Variants in AREL1 observed in about 807,000 individuals in gnomAD.
AREL1 encodes apoptosis-resistant E3 ubiquitin protein ligase 1.
In AREL1, 62 loss-of-function variants were observed where a neutral mutation model predicts 99.0. That is an observed-to-expected ratio of 0.63 (90% confidence interval 0.51 to 0.77). The LOEUF is 0.77. Ranked by LOEUF, AREL1 falls within the 30% of genes least tolerant of loss-of-function variation. AREL1 has a pLI of 0.00. For missense variants in AREL1, 879 were observed against 1,027.6 expected, an observed-to-expected ratio of 0.86 and a Z score of 1.98; for synonymous variants, 380 against 376.5, an observed-to-expected ratio of 1.01 and a Z score of -0.11.
rs1052694136 is a variant in AREL1 at position 74,692,120 on chromosome 14, C to T, written c.-125G>A. The T allele has an allele frequency of 1.6e-5, 7 of 442,218 alleles. No individual in the cohort carries two copies. Among genetic ancestry groups the T allele is most frequent in the Non-Finnish European group, 2.7e-5 (6 of 223,674 alleles). The allele number at this position is 442,218 out of a possible 1,614,324, so 27.4% of individuals were successfully genotyped here. A position where few individuals can be genotyped will look rare whatever the true frequency, so the allele number is the denominator to read the frequency against. On this transcript the variant is annotated 5_prime_UTR_variant, in exon 2 of 20. The change creates a new upstream start codon in the 5' untranslated region. Coordinates refer to ENST00000356357, the MANE Select transcript of AREL1 (RefSeq NM_001039479.2). ...AGCAGGTAACTTTTGGCCCCTTTCA[C>T]CTTGTCTTCCAACTTCCACATGAAA...
At chr14:74,693,147 G>GA (rs1864710743) in intron 1 of AREL1, among the ~76,000 whole-genome samples, 1 of 152,022 alleles carries the variant, frequency 6.6e-6, no homozygotes, top group African/African-American at 2.4e-5. Flanking sequence ...ACCAGGTTAC[G>GA]GACAGCCTTA....
intron 1 of AREL1, among the ~76,000 whole-genome samples, chr14:74,693,690 G>C (rs1165167294): frequency 6.6e-6 from 1 of 152,178 alleles, no homozygotes; most frequent in Non-Finnish European, 1.5e-5. Context: ...GAGTAATAGA[G>C]CTGAGTCAAA....
chr14:74,683,617 T>C (rs2089683881), intron 4 of AREL1, 84 bp from the exon 5 acceptor site: 1 of 1,277,930 alleles, frequency 7.8e-7, no homozygotes, highest in Non-Finnish European at 1.1e-6. Flanking sequence ...AGAGAGGAAG[T>C]AGCTGGCAGA....
chr14:74,708,408 T>G (rs1230379806), intron 1 of AREL1, among the ~76,000 whole-genome samples: 1 of 152,166 alleles, frequency 6.6e-6, no homozygotes, highest in African/African-American at 2.4e-5. Context: ...CCACCTGGGA[T>G]TTCTTCTTTA....
At position 74,713,022 on chromosome 14, in the gene AREL1, TCCCACCAACAGAC is replaced by T. The variant is rs1352059052; in HGVS notation, c.-436_-424del. On this transcript the variant is annotated 5_prime_UTR_variant, in exon 1 of 20. Coordinates refer to ENST00000356357, the MANE Select transcript of AREL1 (RefSeq NM_001039479.2). ...TCAGCAGAAGACGGGCTCCCCACTC[TCCCACCAACAGAC>T]CCCAGAGTTGGTCTCCACCCGGCCT... 9.4e-7 allele frequency: 1 copy of T among 1,061,868 alleles called. No individual in the cohort carries two copies. The highest frequency in any genetic ancestry group is 1.6e-5 in the African/African-American group (1 of 64,092). 65.8% of individuals were successfully genotyped at this position (1,061,868 alleles called of 1,614,324 possible).
chr14:74,681,858 T>C (rs928800749), intron 5 of AREL1, among the ~76,000 whole-genome samples: 1 of 151,712 alleles, frequency 6.6e-6, no homozygotes, highest in African/African-American at 2.4e-5. Flanking sequence ...CTTGTGATGA[T>C]GGAAATGTTC....
At chr14:74,712,666 G>A (rs2090335009) in intron 1 of AREL1, among the ~76,000 whole-genome samples, 1 of 151,900 alleles carries the variant, frequency 6.6e-6, no homozygotes, top group African/African-American at 2.4e-5. Context: ...TCACCGAGAG[G>A]AGTACACGGT....
chr14:74,697,740 G>A (rs944590999), intron 1 of AREL1, among the ~76,000 whole-genome samples: 5 of 152,150 alleles, frequency 3.3e-5, no homozygotes. Context: ...GCCTCCAAAT[G>A]ACTGCAGCCT....
intron 1 of AREL1, among the ~76,000 whole-genome samples, chr14:74,704,015 C>T (rs1326561744): frequency 2.0e-5 from 3 of 152,094 alleles, no homozygotes; most frequent in Non-Finnish European, 4.4e-5. Context: ...TTAATGTTAC[C>T]CATTCTAATA....
In AREL1 at chr14:74,663,653, T is replaced by C. The variant is rs1054770737; in HGVS notation, c.*67A>G. On this transcript the variant is annotated 3_prime_UTR_variant, in exon 20 of 20. Transcript: ENST00000356357. ...TTATGTGTGTTAGGATCAGTGGTTATGATGTCTGTAACTTGCGCCCAGAAG... is the reference window on the plus strand; with the variant it reads ...TTATGTGTGTTAGGATCAGTGGTTACGATGTCTGTAACTTGCGCCCAGAAG... The C allele has an allele frequency of 1.0e-5, 15 of 1,436,378 alleles. No individual in the cohort carries two copies. Among genetic ancestry groups the C allele is most frequent in the Non-Finnish European group, 1.4e-5 (14 of 1,020,394 alleles). The allele number at this position is 1,436,378 out of a possible 1,614,324, so 89.0% of individuals were successfully genotyped here. A position where few individuals can be genotyped will look rare whatever the true frequency, so the allele number is the denominator to read the frequency against.
At chr14:74,705,543 G>T (rs901677359) in intron 1 of AREL1, among the ~76,000 whole-genome samples, 1 of 152,162 alleles carries the variant, frequency 6.6e-6, no homozygotes, top group Non-Finnish European at 1.5e-5. Flanking sequence ...GCACCTTGAA[G>T]TTAAGCCAGG....
Position 74,664,944 on chromosome 14 carries a change from G to C in AREL1, c.2104-19C>G. ...TCAGCAGCTGGAAAAAGATGGTAAG[G>C]TGTTACTATGACAGTCAGAGAGACA... On this transcript the variant is annotated intron_variant, in intron 17 of 19. Coordinates refer to ENST00000356357, the MANE Select transcript of AREL1 (RefSeq NM_001039479.2). The C allele has an allele frequency of 6.2e-7, 1 of 1,605,882 alleles. No individual in the cohort carries two copies. Among genetic ancestry groups the C allele is most frequent in the Non-Finnish European group, 8.5e-7 (1 of 1,173,324 alleles).
At chr14:74,707,126 G>A (rs151321943) in intron 1 of AREL1, among the ~76,000 whole-genome samples, 26 of 152,318 alleles carry the variant, frequency 1.7e-4, no homozygotes, top group African/African-American at 6.3e-4. Flanking sequence ...CCAGCACTTT[G>A]GGAGGCCGAG....
At chr14:74,695,968 T>C (rs968374202) in intron 1 of AREL1, among the ~76,000 whole-genome samples, 1 of 152,236 alleles carries the variant, frequency 6.6e-6, no homozygotes, top group African/African-American at 2.4e-5. Context: ...TCCTAGACCA[T>C]GCTTTCAGAA....
chr14:74,703,376 C>T (rs1042695534), intron 1 of AREL1, among the ~76,000 whole-genome samples: 2 of 152,162 alleles, frequency 1.3e-5, no homozygotes, highest in Admixed American at 6.5e-5. Context: ...AGGGAAACCA[C>T]CCCATGATTC....
Position 74,670,014 on chromosome 14 carries a change from T to C in AREL1, c.1721A>G (p.Gln574Arg), listed in dbSNP as rs781239421. The stretch of plus-strand genomic sequence containing the variant: ...GCGGGTGAAGCGAGCTCGGACCAAC[T>C]GCTTGTAGGCTCCTCCTAGAGAGGA... ...YESSLGGAYK[Q>R]LVRARFTRSF... The change falls in exon 14 of 20, where the codon CAG (glutamine) becomes CGG (arginine). Residue 574 changes from glutamine to arginine, a missense_variant. By Grantham distance (43) the Gln-to-Arg change is conservative (BLOSUM62 1). Coordinates refer to ENST00000356357, the MANE Select transcript of AREL1 (RefSeq NM_001039479.2). 1.9e-6 allele frequency: 3 copies of C among 1,614,076 alleles called. No homozygotes were observed. In the East Asian group the frequency reaches 6.7e-5, roughly 36 times the overall value.
intron 10 of AREL1, 27 bp from the exon 11 acceptor site, chr14:74,672,979 C>T: frequency 1.2e-6 from 2 of 1,614,138 alleles, no homozygotes; most frequent in East Asian, 2.2e-5. Flanking sequence ...TCCATCATTA[C>T]AGCCTCATTA....
chr14:74,669,794 C>G lies in AREL1; in HGVS notation c.1789-20G>C, dbSNP rs1211043753. On this transcript the variant is annotated intron_variant, in intron 14 of 19. Coordinates refer to ENST00000356357, the MANE Select transcript of AREL1 (RefSeq NM_001039479.2). ...AAAGTACTGAGGAGGCAGAAAGACA[C>G]AGAACAGAACATGAATACTCTTGCC... 1 of 1,613,666 alleles carries G rather than the reference C, an allele frequency of 6.2e-7. No individual in the cohort carries two copies. The highest frequency in any genetic ancestry group is 2.2e-5 in the East Asian group (1 of 44,868).
At chr14:74,693,685 A>G (rs1484795362) in intron 1 of AREL1, among the ~76,000 whole-genome samples, 2 of 152,222 alleles carry the variant, frequency 1.3e-5, no homozygotes, top group Non-Finnish European at 2.9e-5. Flanking sequence ...ACAGTGAGTA[A>G]TAGAGCTGAG....
Sources: allele counts gnomAD v4.1 joint callset (sites outside exome capture counted in the v4.1 genomes callset), GRCh38; gene constraint gnomAD v4.1.1; transcripts MANE v1.5; gene names NCBI Gene and HGNC (gene_info 2026-07-23, HGNC 2026-07-21).